Variants in GLS observed in about 807,000 individuals in gnomAD.
The protein encoded by GLS is glutaminase kidney isoform, mitochondrial.
In GLS, 36 loss-of-function variants were observed where a neutral mutation model predicts 86.7. The observed-to-expected ratio is 0.42, with a 90% CI of 0.32 to 0.55. The LOEUF (loss-of-function observed/expected upper bound fraction) is 0.55, where lower values mean the gene tolerates loss of function less well. Ranked by LOEUF, GLS falls within the 20% of genes least tolerant of loss-of-function variation. The pLI is 0.17. For synonymous variants in GLS, 317 were observed against 305.9 expected (o/e 1.04, Z -0.38); for missense variants, 528 against 833.4 (o/e 0.63, Z 4.51).
At chr2:190,898,377 C>T in intron 3 of GLS, among the ~76,000 whole-genome samples, 1 of 152,156 alleles carries the variant, frequency 6.6e-6, no homozygotes, top group East Asian at 1.9e-4. Context: ...AGCATAAGCA[C>T]CTCCTCAGAG....
chr2:190,932,553 A>G (rs1360008601), intron 14 of GLS: 4 of 398,720 alleles, frequency 1.0e-5, no homozygotes, highest in Non-Finnish European at 1.7e-5. Flanking sequence ...CAGAATAGAA[A>G]CTTCCATGGG....
At position 190,921,259 on chromosome 2, in the gene GLS, T is replaced by A. The variant is rs1366054119; in HGVS notation, c.1130+56T>A. The A allele has an allele frequency of 1.6e-5, 18 of 1,091,380 alleles. No individual in the cohort carries two copies. In the East Asian group the frequency reaches 4.2e-4, roughly 26 times the overall value. 67.6% of individuals were successfully genotyped at this position (1,091,380 alleles called of 1,614,324 possible). ...AAAAACACACAACTGTATTTAGAAT[T>A]GATCCACTCTCTTTTCATTGGAGGG... On this transcript the variant is annotated intron_variant, in intron 9 of 17. Transcript: ENST00000320717. The surrounding 1 kb of genome is among the most constrained non-coding windows in gnomAD (Gnocchi z 4.2).
intron 6 of GLS, among the ~76,000 whole-genome samples, chr2:190,908,677 G>T (rs1045198065): frequency 2.0e-5 from 3 of 152,202 alleles, no homozygotes; most frequent in African/African-American, 7.2e-5. Context: ...AAAATTTCAC[G>T]GTCATAGGTC....
rs1690615573 is a variant in GLS at position 190,947,812 on chromosome 2, G to A, written c.1651-5753G>A. Among the ~76,000 whole-genome samples, 1 of 152,162 alleles carries A rather than the reference G, an allele frequency of 6.6e-6. No individual in the cohort carries two copies. Among genetic ancestry groups the A allele is most frequent in the Admixed American group, 6.5e-5 (1 of 15,272 alleles). On this transcript the variant is annotated intron_variant, in intron 14 of 17. Coordinates refer to ENST00000320717, the MANE Select transcript of GLS (RefSeq NM_014905.5). This position sits in a 1 kb window ranked among gnomAD's most constrained non-coding sequence, Gnocchi z 5.0. ...ATCCTTTGCAAGTATTGGTGTGGAGGTGGATGACTGATCTTCTAGAGTGCC... is the reference window on the plus strand; with the variant it reads ...ATCCTTTGCAAGTATTGGTGTGGAGATGGATGACTGATCTTCTAGAGTGCC...
chr2:190,927,549 C>T, intron 12 of GLS, 67 bp downstream of exon 12: 2 of 1,132,740 alleles, frequency 1.8e-6, no homozygotes, highest in South Asian at 1.5e-5. Context: ...TTTAAAAATG[C>T]AGTTTGAACT....
At position 190,956,617 on chromosome 2, in the gene GLS, A is replaced by AT. The variant is rs1416817451; in HGVS notation, c.1853+1807dup. On this transcript the variant is annotated intron_variant, in intron 17 of 17. Coordinates refer to ENST00000320717, the MANE Select transcript of GLS (RefSeq NM_014905.5). This position sits in a 1 kb window ranked among gnomAD's most constrained non-coding sequence, Gnocchi z 4.2. ...TTTGGTTATATATGAAATTTAAGGT[A>AT]TTTTTTTTCTAATTCTGTGAAGAAA... 4.0e-5 allele frequency among the ~76,000 whole-genome samples: 6 copies of AT among 151,620 alleles called. No individual in the cohort carries two copies. Among genetic ancestry groups the AT allele is most frequent in the East Asian group, 3.9e-4 (2 of 5,184 alleles).
intron 7 of GLS, chr2:190,919,702 T>TCATTGAA: frequency 1.3e-6 from 1 of 783,268 alleles, no homozygotes; most frequent in East Asian, 1.3e-4. Flanking sequence ...TAATTATTTT[T>TCATTGAA]CATTGAACAG....
At position 190,949,846 on chromosome 2, in the gene GLS, G is replaced by C. The variant is rs750083479; in HGVS notation, c.1651-3719G>C. Reference sequence around the variant, plus strand: ...TATGTGTGATAGACACTGAGTTTACGGTGGGGAACAGAAAGACAAGTGGTC... The same window carrying C: ...TATGTGTGATAGACACTGAGTTTACCGTGGGGAACAGAAAGACAAGTGGTC... On this transcript the variant is annotated intron_variant, in intron 14 of 17. Transcript: ENST00000320717. This position sits in a 1 kb window ranked among gnomAD's most constrained non-coding sequence, Gnocchi z 4.0. Among the ~76,000 whole-genome samples the C allele has an allele frequency of 6.6e-6, 1 of 151,734 alleles. No homozygotes were observed. Among genetic ancestry groups the C allele is most frequent in the Non-Finnish European group, 1.5e-5 (1 of 67,988 alleles).
rs926600956 is a variant in GLS, at chr2:190,934,507, G to A, written c.1650+2870G>A. ...CATATCCTAACTGGATGCTTCTCAAGGCCTTACTGCATATTTGTGTTGCAT... is the reference window on the plus strand; with the variant it reads ...CATATCCTAACTGGATGCTTCTCAAAGCCTTACTGCATATTTGTGTTGCAT... On this transcript the variant is annotated intron_variant, in intron 14 of 17. Transcript: ENST00000320717. The A allele has an allele frequency of 1.6e-4, 162 of 983,678 alleles. 1 individual carries two copies. Among genetic ancestry groups the A allele is most frequent in the Non-Finnish European group, 1.9e-4 (154 of 828,606 alleles). The allele number at this position is 983,678 out of a possible 1,614,324, so 60.9% of individuals were successfully genotyped here.
At chr2:190,922,834 G>C (rs1342497478) in intron 9 of GLS, among the ~76,000 whole-genome samples, 2 of 152,138 alleles carry the variant, frequency 1.3e-5, no homozygotes, top group Non-Finnish European at 2.9e-5. Context: ...TTTTAGACTT[G>C]TAGGGCAATT....
Position 190,912,711 on chromosome 2 carries a change from A to G in GLS, c.1038+2390A>G, listed in dbSNP as rs891648060. On this transcript the variant is annotated intron_variant, in intron 7 of 17. Coordinates refer to ENST00000320717, the MANE Select transcript of GLS (RefSeq NM_014905.5). ...GATACTCAATGTGCTGTTCATTACA[A>G]TTCACTCTGCCATATTTAACGTAGG... Among the ~76,000 whole-genome samples, 23 of 152,160 alleles carry G rather than the reference A, an allele frequency of 1.5e-4. 1 individual carries two copies. The highest frequency in any genetic ancestry group is 2.9e-4 in the Non-Finnish European group (20 of 68,002).
At chr2:190,901,869 T>C in intron 4 of GLS, 78 bp from the exon 5 acceptor site, 1 of 890,228 alleles carries the variant, frequency 1.1e-6, no homozygotes, top group Admixed American at 1.7e-5. Flanking sequence ...TAAAATGAGA[T>C]AAGAAATTTG....
intron 1 of GLS, among the ~76,000 whole-genome samples, chr2:190,894,045 AG>A (rs1261688856): frequency 6.6e-6 from 1 of 152,188 alleles, no homozygotes; most frequent in East Asian, 1.9e-4. Context: ...ATAGCATTTT[AG>A]TGTTACACTA....
At chr2:190,923,877 A>C in intron 9 of GLS, 40 bp from the exon 10 acceptor site, 1 of 1,218,656 alleles carries the variant, frequency 8.2e-7, no homozygotes, top group Non-Finnish European at 1.2e-6. Context: ...ACACTTTTAA[A>C]GAAAGTACAT....
intron 11 of GLS, among the ~76,000 whole-genome samples, chr2:190,925,070 C>G (rs1689856321): frequency 6.6e-6 from 1 of 152,098 alleles, no homozygotes; most frequent in Non-Finnish European, 1.5e-5. Flanking sequence ...ATTCATGCCT[C>G]AAAATGTAAT....
At chr2:190,911,831 G>A (rs976439131) in intron 7 of GLS, among the ~76,000 whole-genome samples, 36 of 152,098 alleles carry the variant, frequency 2.4e-4, no homozygotes, top group Middle Eastern at 3.4e-3. Flanking sequence ...ACTACTCTTC[G>A]AGGCTGATCC....
rs2124903154 is a variant in GLS at position 190,924,851 on chromosome 2, G to C, written c.1248+258G>C. 1 of 345,728 alleles carries C rather than the reference G, an allele frequency of 2.9e-6. No homozygotes were observed. The highest frequency in any genetic ancestry group is 5.4e-6 in the Non-Finnish European group (1 of 185,730). The allele number at this position is 345,728 out of a possible 1,614,324, so 21.4% of individuals were successfully genotyped here. ...AATCCCTTGAACCTGGAAGGCCGAG[G>C]TTGCAGTGAGCCGAGATCACGCCAC... is the stretch of plus-strand genomic sequence containing the variant. On this transcript the variant is annotated intron_variant, in intron 11 of 17. Coordinates refer to ENST00000320717, the MANE Select transcript of GLS (RefSeq NM_014905.5). This position sits in a 1 kb window ranked among gnomAD's most constrained non-coding sequence, Gnocchi z 5.2.
intron 1 of GLS, among the ~76,000 whole-genome samples, chr2:190,894,524 T>C (rs1312856665): frequency 6.6e-6 from 1 of 152,172 alleles, no homozygotes; most frequent in Non-Finnish European, 1.5e-5. Context: ...TTGAGTCAAC[T>C]GATCCTCACC....
Position 190,953,703 on chromosome 2 carries a change from G to A in GLS, c.1712+77G>A. 1.0e-6 allele frequency: 1 copy of A among 991,202 alleles called. No individual in the cohort carries two copies. The highest frequency in any genetic ancestry group is 1.6e-6 in the Non-Finnish European group (1 of 638,470). The allele number at this position is 991,202 out of a possible 1,614,324, so 61.4% of individuals were successfully genotyped here. A position where few individuals can be genotyped will look rare whatever the true frequency, so the allele number is the denominator to read the frequency against. Reference sequence around the variant, plus strand: ...CTTCTGGGCGAGCAGCCATTTTAAGGTTAAAGTCTCACTTTTCTTTCCCTT... The same window carrying A: ...CTTCTGGGCGAGCAGCCATTTTAAGATTAAAGTCTCACTTTTCTTTCCCTT... On this transcript the variant is annotated intron_variant, in intron 15 of 17. Transcript: ENST00000320717. This position sits in a 1 kb window ranked among gnomAD's most constrained non-coding sequence, Gnocchi z 4.0.
Sources: allele counts gnomAD v4.1 joint callset (sites outside exome capture counted in the v4.1 genomes callset), GRCh38; gene constraint gnomAD v4.1.1; non-coding constraint Gnocchi (gnomAD v3.1); transcripts MANE v1.5; gene names NCBI Gene and HGNC (gene_info 2026-07-23, HGNC 2026-07-21).